PDE10A: variants seen among roughly 807,000 people sequenced by gnomAD.
The protein encoded by PDE10A is phosphodiesterase 10A, also known as cAMP and cAMP-inhibited cGMP 3',5'-cyclic phosphodiesterase 10A.
A neutral mutation model predicts 97.7 loss-of-function variants in PDE10A; 39 were observed. The observed-to-expected ratio is 0.40, with a 90% CI of 0.31 to 0.52. PDE10A has a LOEUF of 0.52. Among genes scored for constraint, PDE10A ranks in the 20% least tolerant of loss-of-function variants. The pLI is 0.56. For synonymous variants in PDE10A, 371 were observed against 376.8 expected (o/e 0.98, Z 0.18); for missense variants, 731 against 1,047.8 (o/e 0.70, Z 4.17).
intron 1 of PDE10A, among the ~76,000 whole-genome samples, chr6:165,953,548 G>A (rs1784037818): frequency 6.6e-6 from 1 of 151,682 alleles, no homozygotes; most frequent in Admixed American, 6.6e-5. Context: ...ACGAGATTGT[G>A]CCACTGCACT....
intron 18 of PDE10A, among the ~76,000 whole-genome samples, chr6:165,344,089 A>G (rs571700171): frequency 6.6e-6 from 1 of 152,298 alleles, no homozygotes; most frequent in Admixed American, 6.5e-5. Context: ...TTTCTTTTCA[A>G]CACCAGCCTT....
intron 1 of PDE10A, among the ~76,000 whole-genome samples, chr6:165,613,498 G>A (rs1207324948): frequency 2.0e-5 from 3 of 151,992 alleles, no homozygotes; most frequent in African/African-American, 7.2e-5. Flanking sequence ...AATTAGCCAG[G>A]CGTGGTGGTA....
intron 1 of PDE10A, chr6:165,718,318 A>G (rs1792078844): frequency 6.6e-6 from 1 of 152,214 alleles, no homozygotes; most frequent in South Asian, 2.1e-4. Flanking sequence ...ATTTTAGTAA[A>G]TGTGCTGCTA....
intron 2 of PDE10A, among the ~76,000 whole-genome samples, chr6:165,525,597 C>G (rs1782392725): frequency 6.6e-6 from 1 of 152,156 alleles, no homozygotes; most frequent in Non-Finnish European, 1.5e-5. Flanking sequence ...TTTGTGAGGG[C>G]AGCACCTGCA....
In PDE10A at chr6:165,433,056, A is replaced by G; in HGVS notation, c.1409T>C (p.Val470Ala). 4.3e-6 allele frequency: 7 copies of G among 1,609,754 alleles called. No individual in the cohort carries two copies. The highest frequency in any genetic ancestry group is 1.3e-5 in the African/African-American group (1 of 74,946). Residue 470 changes from valine to alanine, a missense_variant, in exon 7 of 22, where the codon GTC becomes GCC. Physicochemically the swap from Val to Ala is moderately conservative, Grantham distance 64. Coordinates refer to ENST00000539869, the MANE Select transcript of PDE10A (RefSeq NM_001385079.1). ...ACCAATCAAGTCACCAATTGCAGTG[A>G]CAATTGGTAAGCAAAGAACAGACTG... is the stretch of plus-strand genomic sequence containing the variant. ...RIQSVLCLPIVTAIGDLIGIL... is the reference protein window; with the variant it reads ...RIQSVLCLPIATAIGDLIGIL...
chr6:165,753,382 G>A (rs1793050762), intron 1 of PDE10A, among the ~76,000 whole-genome samples: 1 of 152,192 alleles, frequency 6.6e-6, no homozygotes, highest in African/African-American at 2.4e-5. Flanking sequence ...TCAGCCAGCT[G>A]AGCCACTGCA....
intron 1 of PDE10A, among the ~76,000 whole-genome samples, chr6:165,799,239 C>A (rs907581192): frequency 3.9e-5 from 6 of 152,162 alleles, no homozygotes; most frequent in Non-Finnish European, 8.8e-5. Context: ...GAAAGAAAAA[C>A]CAGCGAATGA....
At chr6:165,656,729 G>A (rs1049636999) in intron 1 of PDE10A, among the ~76,000 whole-genome samples, 16 of 152,212 alleles carry the variant, frequency 1.1e-4, no homozygotes, top group Admixed American at 2.6e-4. Context: ...CAGGCTTCTC[G>A]CAAAGCGAAG....
intron 1 of PDE10A, among the ~76,000 whole-genome samples, chr6:165,619,432 GTGTAGTGTAGTATAGT>G (rs1562634854): frequency 1.4e-5 from 2 of 145,028 alleles, no homozygotes; most frequent in South Asian, 2.1e-4. Context: ...GTGTAGTATA[GTGTAGTGTAGTATAGT>G]CTAGTGTAGT....
At chr6:165,802,538 T>C (rs1311744668) in intron 1 of PDE10A, among the ~76,000 whole-genome samples, 1 of 152,184 alleles carries the variant, frequency 6.6e-6, no homozygotes, top group African/African-American at 2.4e-5. Flanking sequence ...TACCGCAAAG[T>C]GGTGGAGCAG....
At chr6:165,499,856 C>A (rs1225638637) in intron 2 of PDE10A, among the ~76,000 whole-genome samples, 1 of 152,018 alleles carries the variant, frequency 6.6e-6, no homozygotes, top group Non-Finnish European at 1.5e-5. Flanking sequence ...AGACAGTGAT[C>A]CCAGTGATTA....
chr6:165,594,160 C>T (rs1280557133), intron 1 of PDE10A, among the ~76,000 whole-genome samples: 2 of 152,160 alleles, frequency 1.3e-5, no homozygotes, highest in African/African-American at 4.8e-5. Flanking sequence ...ACATCTAGTG[C>T]TCAGGTCTTG....
chr6:165,411,223 A>G (rs1787798106), intron 13 of PDE10A, among the ~76,000 whole-genome samples: 1 of 151,804 alleles, frequency 6.6e-6, no homozygotes, highest in Non-Finnish European at 1.5e-5. Flanking sequence ...TGCAGATGAG[A>G]TAACAACACA....
intron 18 of PDE10A, 90 bp downstream of exon 18, chr6:165,379,104 T>G (rs1784785739): frequency 4.7e-6 from 4 of 854,544 alleles, no homozygotes; most frequent in Non-Finnish European, 7.2e-6. Flanking sequence ...TTCTTTCAAA[T>G]ATAAGCTTAC....
At chr6:165,463,088 A>G (rs1778420655) in intron 3 of PDE10A, among the ~76,000 whole-genome samples, 1 of 152,222 alleles carries the variant, frequency 6.6e-6, no homozygotes, top group Non-Finnish European at 1.5e-5. Context: ...TTGGTCCCCT[A>G]AGGGGATGTT....
intron 1 of PDE10A, among the ~76,000 whole-genome samples, chr6:165,715,840 C>T (rs895523316): frequency 7.2e-5 from 11 of 152,204 alleles, no homozygotes; most frequent in African/African-American, 2.4e-4. Flanking sequence ...TCTGTGTGTC[C>T]TCTCCTGTGG....
intron 2 of PDE10A, among the ~76,000 whole-genome samples, chr6:165,531,980 T>C (rs989146391): frequency 2.0e-4 from 31 of 152,190 alleles, no homozygotes; most frequent in African/African-American, 7.5e-4. Context: ...ACATCAAAAT[T>C]ACTGGTACAA....
chr6:165,616,541 AT>A (rs2128404110), intron 1 of PDE10A, among the ~76,000 whole-genome samples: 1 of 152,320 alleles, frequency 6.6e-6, no homozygotes, highest in East Asian at 1.9e-4. Context: ...TGTTAGTCAG[AT>A]TAAACAATGT....
At position 165,655,581 on chromosome 6, in the gene PDE10A, C is replaced by T. The variant is rs1789905622; in HGVS notation, c.865+6366G>A. Among the ~76,000 whole-genome samples the T allele has an allele frequency of 2.0e-5, 3 of 152,130 alleles. No homozygotes were observed. The highest frequency in any genetic ancestry group is 2.9e-5 in the Non-Finnish European group (2 of 68,032). ...CGCGGCATTTTGCTTCTACCATCAT[C>T]GCCGTGATCCAAGTTACCATTGCTC... On this transcript the variant is annotated intron_variant, in intron 1 of 21. Transcript: ENST00000539869. The surrounding 1 kb of genome is among the most constrained non-coding windows in gnomAD (Gnocchi z 4.5).
Sources: allele counts gnomAD v4.1 joint callset (sites outside exome capture counted in the v4.1 genomes callset), GRCh38; gene constraint gnomAD v4.1.1; non-coding constraint Gnocchi (gnomAD v3.1); transcripts MANE v1.5; gene names NCBI Gene and HGNC (gene_info 2026-07-23, HGNC 2026-07-21).